Variants in PCDHGB2 observed in about 807,000 individuals in gnomAD.
PCDHGB2 encodes protocadherin gamma-B2.
Under a neutral mutation model 59.3 loss-of-function variants are expected in PCDHGB2, and 55 were observed. The ratio of observed to expected loss-of-function variants is 0.93; its 90% CI spans 0.75 to 1.16. PCDHGB2 has a LOEUF of 1.16. Ranked by LOEUF, PCDHGB2 falls within the 50% of genes most tolerant of loss-of-function variation. PCDHGB2 has a pLI of 0.00. For synonymous variants in PCDHGB2, 516 were observed against 512.0 expected (o/e 1.01, Z -0.11); for missense variants, 1,228 against 1,198.5 (o/e 1.02, Z -0.36).
At chr5:141,376,171 G>C (rs758847977) in intron 1 of PCDHGB2, 5 of 1,614,096 alleles carry the variant, frequency 3.1e-6, no homozygotes. Flanking sequence ...TGGTGGTGGC[G>C]GTGGCCGCGG....
chr5:141,500,870 A>C (rs2099803097), intron 2 of PCDHGB2, among the ~76,000 whole-genome samples: 1 of 139,794 alleles, frequency 7.2e-6, no homozygotes, highest in African/African-American at 2.8e-5. Context: ...ATACACATTC[A>C]TTTACAATTT....
chr5:141,511,632 G>A lies in PCDHGB2; in HGVS notation c.*459G>A, dbSNP rs1388627906. The A allele has an allele frequency of 8.6e-6, 2 of 231,934 alleles. No homozygotes were observed. The highest frequency in any genetic ancestry group is 5.1e-5 in the Admixed American group (1 of 19,634). 14.4% of individuals were successfully genotyped at this position (231,934 alleles called of 1,614,324 possible). A position where few individuals can be genotyped will look rare whatever the true frequency, so the allele number is the denominator to read the frequency against. On this transcript the variant is annotated 3_prime_UTR_variant, in exon 4 of 4. Transcript: ENST00000522605. ...CCTCCTAGTTCTGAAAAGTTGGAAG[G>A]GCATCATGACCTCTTGGCCTCTCCT...
intron 1 of PCDHGB2, among the ~76,000 whole-genome samples, chr5:141,458,829 C>T (rs2098954599): frequency 6.6e-6 from 1 of 152,108 alleles, no homozygotes; most frequent in Non-Finnish European, 1.5e-5. Context: ...GCCTCCCAGG[C>T]TCAAGTGATC....
intron 1 of PCDHGB2, among the ~76,000 whole-genome samples, chr5:141,452,316 T>C (rs2098738639): frequency 6.6e-6 from 1 of 152,208 alleles, no homozygotes; most frequent in Non-Finnish European, 1.5e-5. Flanking sequence ...ACTCATACTT[T>C]CCTTGTTCCA....
chr5:141,476,046 C>T lies in PCDHGB2; in HGVS notation c.2422-18761C>T. 6.7e-7 allele frequency: 1 copy of T among 1,491,396 alleles called. No individual in the cohort carries two copies. Among genetic ancestry groups the T allele is most frequent in the Non-Finnish European group, 8.9e-7 (1 of 1,122,928 alleles). 92.4% of individuals were successfully genotyped at this position (1,491,396 alleles called of 1,614,324 possible). On this transcript the variant is annotated intron_variant, in intron 1 of 3. Coordinates refer to ENST00000522605, the MANE Select transcript of PCDHGB2 (RefSeq NM_018923.3). This position sits in a 1 kb window ranked among gnomAD's most constrained non-coding sequence, Gnocchi z 7.6. ...CGGCGCCCAGCGCCCAAGCGCTAAC[C>T]CGCTGAAAGTTTCTCAGCGAAATCT...
intron 1 of PCDHGB2, chr5:141,394,896 G>A: frequency 4.3e-6 from 7 of 1,613,872 alleles, no homozygotes; most frequent in Non-Finnish European, 5.9e-6. Context: ...CTATCTCGTG[G>A]TGGCAGTGGC....
rs552812176 is a variant in PCDHGB2, at chr5:141,497,407, A to G, written c.2480+2542A>G. Among the ~76,000 whole-genome samples, 43 of 152,204 alleles carry G rather than the reference A, an allele frequency of 2.8e-4. No individual in the cohort carries two copies. In the Middle Eastern group the frequency reaches 0.01, roughly 36 times the overall value. The stretch of plus-strand genomic sequence containing the variant: ...GCACCTTACCCCTGCCTCAACTCCC[A>G]TTCCATCAAATGAGAGGCTTAGTGG... On this transcript the variant is annotated intron_variant, in intron 2 of 3. Coordinates refer to ENST00000522605, the MANE Select transcript of PCDHGB2 (RefSeq NM_018923.3).
chr5:141,432,873 T>G lies in PCDHGB2; in HGVS notation c.2422-61934T>G, dbSNP rs753576338. The stretch of plus-strand genomic sequence containing the variant: ...GTGGCCGCGGTCTCCTGCGTCTTCC[T>G]GGCCTTCGTCATCTTGCTGCTGGCG... On this transcript the variant is annotated intron_variant, in intron 1 of 3. Transcript: ENST00000522605. This position sits in a 1 kb window ranked among gnomAD's most constrained non-coding sequence, Gnocchi z 6.0. 4 of 1,614,204 alleles carry G rather than the reference T, an allele frequency of 2.5e-6. No homozygotes were observed. The highest frequency in any genetic ancestry group is 3.4e-6 in the Non-Finnish European group (4 of 1,180,014).
intron 1 of PCDHGB2, chr5:141,413,350 G>A: frequency 6.2e-7 from 1 of 1,613,974 alleles, no homozygotes; most frequent in Non-Finnish European, 8.5e-7. Context: ...CTTGGGTCTG[G>A]CGCCCCGGGA....
rs1279890312 is a variant in PCDHGB2, at chr5:141,432,403, G to C, written c.2422-62404G>C. On this transcript the variant is annotated intron_variant, in intron 1 of 3. Transcript: ENST00000522605. This position sits in a 1 kb window ranked among gnomAD's most constrained non-coding sequence, Gnocchi z 6.0. ...CGCCCCTCAGCAGCAACGTGTCGTT[G>C]AGCCTGTTCGTGCTGGACCAGAACG... 1.9e-6 allele frequency: 3 copies of C among 1,614,242 alleles called. No homozygotes were observed. Among genetic ancestry groups the C allele is most frequent in the Non-Finnish European group, 8.5e-7 (1 of 1,180,052 alleles).
At chr5:141,419,024 G>A (rs1423033793) in intron 1 of PCDHGB2, 2 of 1,613,874 alleles carry the variant, frequency 1.2e-6, no homozygotes, top group Admixed American at 1.7e-5. Flanking sequence ...CTTAAGTAGA[G>A]GTGTTCCATT....
chr5:141,391,230 G>C (rs2092321546), intron 1 of PCDHGB2: 1 of 152,026 alleles, frequency 6.6e-6, no homozygotes, highest in Non-Finnish European at 1.5e-5. Flanking sequence ...TGAGCCTTTT[G>C]CTAGGTATAT....
chr5:141,456,093 T>G (rs1362649283), intron 1 of PCDHGB2, among the ~76,000 whole-genome samples: 1 of 151,986 alleles, frequency 6.6e-6, no homozygotes, highest in Non-Finnish European at 1.5e-5. Context: ...GAGACGGGAT[T>G]TCACCGTGTT....
chr5:141,485,416 C>T lies in PCDHGB2; in HGVS notation c.2422-9391C>T, dbSNP rs1311879785. On this transcript the variant is annotated intron_variant, in intron 1 of 3. Coordinates refer to ENST00000522605, the MANE Select transcript of PCDHGB2 (RefSeq NM_018923.3). This position sits in a 1 kb window ranked among gnomAD's most constrained non-coding sequence, Gnocchi z 5.7. Reference sequence around the variant, plus strand: ...GACACTTCCGTGTGGATTTGGACAGCGGAGCCCTGCTCATCAAGAACCCAA... The same window carrying T: ...GACACTTCCGTGTGGATTTGGACAGTGGAGCCCTGCTCATCAAGAACCCAA... 10 of 1,613,988 alleles carry T rather than the reference C, an allele frequency of 6.2e-6. No individual in the cohort carries two copies. Among genetic ancestry groups the T allele is most frequent in the South Asian group, 4.4e-5 (4 of 91,086 alleles).
intron 1 of PCDHGB2, chr5:141,415,314 C>G (rs375384840): frequency 1.9e-6 from 3 of 1,614,238 alleles, no homozygotes; most frequent in South Asian, 1.1e-5. Context: ...CCTTCGTCAT[C>G]GTGCTGCTGG....
chr5:141,371,120 T>C, intron 1 of PCDHGB2: 1 of 1,613,974 alleles, frequency 6.2e-7, no homozygotes, highest in Non-Finnish European at 8.5e-7. Flanking sequence ...CCCCAGTATT[T>C]ACTCAGGACA....
chr5:141,418,681 C>T (rs778899235), intron 1 of PCDHGB2: 2 of 1,614,052 alleles, frequency 1.2e-6, no homozygotes, highest in Non-Finnish European at 1.7e-6. Flanking sequence ...AGGGCATCAA[C>T]TCAGAGATCA....
chr5:141,421,379 AGGACCTGGGGCT>A, intron 1 of PCDHGB2: 1 of 1,614,054 alleles, frequency 6.2e-7, no homozygotes, highest in South Asian at 1.1e-5. Context: ...AATATCTCCA[AGGACCTGGGGCT>A]GGAGCCCCGG....
At chr5:141,469,951 T>G (rs1467717372) in intron 1 of PCDHGB2, among the ~76,000 whole-genome samples, 2 of 152,034 alleles carry the variant, frequency 1.3e-5, no homozygotes, top group African/African-American at 4.8e-5. Context: ...GCCAGCATGG[T>G]GAAACCCCAT....
Sources: gnomAD v4.1 joint callset for allele counts (sites outside exome capture counted in the v4.1 genomes callset) on GRCh38, gnomAD v4.1.1 for gene constraint, Gnocchi (gnomAD v3.1) non-coding constraint, MANE v1.5 for transcripts, NCBI Gene and HGNC (gene_info 2026-07-23, HGNC 2026-07-21) for gene names.